PNPLA7: variants seen among roughly 807,000 people sequenced by gnomAD.
The protein encoded by PNPLA7 is patatin-like phospholipase domain-containing protein 7.
Under a neutral mutation model 161.7 loss-of-function variants are expected in PNPLA7, and 153 were observed. The observed-to-expected ratio is 0.95, with a 90% CI of 0.83 to 1.08. PNPLA7 has a LOEUF of 1.08. Among genes scored for constraint, PNPLA7 ranks in the 50% least tolerant of loss-of-function variants. PNPLA7 has a pLI of 0.00. For synonymous variants in PNPLA7, 809 were observed against 782.1 expected (o/e 1.03, Z -0.57); for missense variants, 1,739 against 1,856.6 (o/e 0.94, Z 1.16).
At chr9:137,515,330 C>T in intron 12 of PNPLA7, 49 bp downstream of exon 12, 1 of 1,576,168 alleles carries the variant, frequency 6.3e-7, no homozygotes, top group South Asian at 1.2e-5. Context: ...GTCTCAGATG[C>T]CGAGGGCCTG....
rs1217745490 is a variant in PNPLA7 at position 137,540,214 on chromosome 9, A to G, written c.747+428T>C. 6.6e-6 allele frequency among the ~76,000 whole-genome samples: 1 copy of G among 152,182 alleles called. No homozygotes were observed. The highest frequency in any genetic ancestry group is 1.5e-5 in the Non-Finnish European group (1 of 68,028). Reference sequence around the variant, plus strand: ...GGAAACCATTCACTGCAACGACGAAAAGCAAAAGACTGGGAGCCACAGAAA... The same window carrying G: ...GGAAACCATTCACTGCAACGACGAAGAGCAAAAGACTGGGAGCCACAGAAA... On this transcript the variant is annotated intron_variant, in intron 8 of 34. Transcript: ENST00000406427. The surrounding 1 kb of genome is among the most constrained non-coding windows in gnomAD (Gnocchi z 5.1).
At chr9:137,509,703 C>T (rs1834115305) in intron 12 of PNPLA7, 1 of 453,478 alleles carries the variant, frequency 2.2e-6, no homozygotes, top group African/African-American at 2.0e-5. Flanking sequence ...GCCCATGATG[C>T]ACAGCACAGG....
At position 137,519,925 on chromosome 9, in the gene PNPLA7, C is replaced by A. The variant is rs772890464; in HGVS notation, c.1076G>T (p.Cys359Phe). The part of the protein sequence containing the change: ...LKKPPRLQES[C>F]DSDHGGGRPA... ...TTGGTGCAGGACAGTACCTGAGTCACAGGACTCCTGGAGCCGCGGTGGCTT... is the reference window on the plus strand; with the variant it reads ...TTGGTGCAGGACAGTACCTGAGTCAAAGGACTCCTGGAGCCGCGGTGGCTT... The change falls in exon 11 of 35, where the codon TGT becomes TTT. Residue 359 changes from cysteine to phenylalanine, a missense_variant. This residue lies in a region of PNPLA7 where 481 missense variants were observed against 450.0 expected (regional missense o/e 1.07). Coordinates refer to ENST00000406427, the MANE Select transcript of PNPLA7 (RefSeq NM_001098537.3). The A allele has an allele frequency of 6.2e-7, 1 of 1,612,214 alleles. No individual in the cohort carries two copies. The highest frequency in any genetic ancestry group is 1.3e-5 in the African/African-American group (1 of 75,020).
intron 25 of PNPLA7, among the ~76,000 whole-genome samples, chr9:137,475,319 T>C (rs899538199): frequency 3.3e-5 from 5 of 152,142 alleles, no homozygotes; most frequent in African/African-American, 1.2e-4. Flanking sequence ...GAGGCTATAG[T>C]GAGCTTATGA....
At chr9:137,522,956 G>A in intron 8 of PNPLA7, 99 bp from the exon 9 acceptor site, 1 of 1,512,534 alleles carries the variant, frequency 6.6e-7, no homozygotes, top group Non-Finnish European at 9.0e-7. Context: ...CCCGCCTGCT[G>A]CCCAGTCACA....
chr9:137,545,791 G>A (rs191952224), intron 4 of PNPLA7, among the ~76,000 whole-genome samples: 245 of 152,318 alleles, frequency 1.6e-3, no homozygotes, highest in East Asian at 7.5e-3. Context: ...TGTTATGCCC[G>A]GACAGGGCCA....
intron 4 of PNPLA7, among the ~76,000 whole-genome samples, chr9:137,546,022 C>T (rs1016239388): frequency 4.6e-5 from 7 of 152,112 alleles, no homozygotes; most frequent in Non-Finnish European, 8.8e-5. Flanking sequence ...CGCAGTTATC[C>T]GGAGGCCTAA....
intron 29 of PNPLA7, 87 bp from the exon 30 acceptor site, chr9:137,462,920 G>T: frequency 6.5e-7 from 1 of 1,529,186 alleles, no homozygotes; most frequent in Non-Finnish European, 8.9e-7. Context: ...GAGCCCTGAC[G>T]TGGGGGTTGT....
At position 137,541,808 on chromosome 9, in the gene PNPLA7, G is replaced by T. The variant is rs1168100845; in HGVS notation, c.666+834C>A. On this transcript the variant is annotated intron_variant, in intron 7 of 34. Transcript: ENST00000406427. The surrounding 1 kb of genome is among the most constrained non-coding windows in gnomAD (Gnocchi z 4.4). ...CGAATTTTTTTTTTTTTGAGACAGG[G>T]TCTCGCTCTGTCGCCCAGGCTGGAG... is the stretch of plus-strand genomic sequence containing the variant. Among the ~76,000 whole-genome samples, 1 of 151,822 alleles carries T rather than the reference G, an allele frequency of 6.6e-6. No individual in the cohort carries two copies. Among genetic ancestry groups the T allele is most frequent in the Non-Finnish European group, 1.5e-5 (1 of 67,962 alleles).
At chr9:137,482,422 A>C (rs893846122) in intron 21 of PNPLA7, among the ~76,000 whole-genome samples, 1 of 152,276 alleles carries the variant, frequency 6.6e-6, no homozygotes, top group Non-Finnish European at 1.5e-5. Flanking sequence ...GCTCCAGGCC[A>C]GGAAAAGGCC....
chr9:137,501,654 T>A lies in PNPLA7; in HGVS notation c.1547A>T (p.Asp516Val), dbSNP rs1833428002. 6.2e-7 allele frequency: 1 copy of A among 1,611,454 alleles called. No homozygotes were observed. Residue 516 changes from aspartate to valine, a missense_variant, in exon 15 of 35, where the codon GAC becomes GTC. Transcript: ENST00000406427. ...PAGTVVSRQG[D>V]QDASILFVVS... ...CCCCCCCAGACCCCCGCTCACCTGG[T>A]CTCCCTGCCTTGACACCACCGTGCC...
chr9:137,486,507 C>T lies in PNPLA7; in HGVS notation c.2198-1771G>A, dbSNP rs540194767. On this transcript the variant is annotated intron_variant, in intron 20 of 34. Coordinates refer to ENST00000406427, the MANE Select transcript of PNPLA7 (RefSeq NM_001098537.3). The surrounding 1 kb of genome is among the most constrained non-coding windows in gnomAD (Gnocchi z 6.0). ...CAAGGCCTCCCAAAAGAAAAACACC[C>T]GTACCTGTATGCAGGCAGAAACAGA... Among the ~76,000 whole-genome samples, 16 of 152,272 alleles carry T rather than the reference C, an allele frequency of 1.1e-4. No homozygotes were observed. Among genetic ancestry groups the T allele is most frequent in the Admixed American group, 9.8e-4 (15 of 15,292 alleles).
Position 137,540,797 on chromosome 9 carries a change from G to T in PNPLA7, c.667-75C>A, listed in dbSNP as rs746729315. ...CGGGGCCTGGCGGAGGCTCAGCCCA[G>T]CCCAGGGCAGTGGGGCCACGGGCCT... On this transcript the variant is annotated intron_variant, in intron 7 of 34. Transcript: ENST00000406427. This position sits in a 1 kb window ranked among gnomAD's most constrained non-coding sequence, Gnocchi z 5.1. 4 of 1,399,308 alleles carry T rather than the reference G, an allele frequency of 2.9e-6. No homozygotes were observed. The highest frequency in any genetic ancestry group is 3.9e-5 in the Admixed American group (2 of 51,788). The allele number at this position is 1,399,308 out of a possible 1,614,324, so 86.7% of individuals were successfully genotyped here. A position where few individuals can be genotyped will look rare whatever the true frequency, so the allele number is the denominator to read the frequency against.
At chr9:137,522,586 C>T in intron 9 of PNPLA7, 143 bp downstream of exon 9, 1 of 911,346 alleles carries the variant, frequency 1.1e-6, no homozygotes, top group Non-Finnish European at 1.7e-6. Context: ...TTTCTCTATT[C>T]CTCTGAAATC....
chr9:137,493,009 C>T lies in PNPLA7; in HGVS notation c.2197+4G>A, dbSNP rs1403917923. Reference sequence around the variant, plus strand: ...GAGGCTCTGGGTTGGGAGAGGTGACCCACCTGTCACAGGTCCCTGCTGGAG... The same window carrying T: ...GAGGCTCTGGGTTGGGAGAGGTGACTCACCTGTCACAGGTCCCTGCTGGAG... On this transcript the variant is annotated splice_donor_region_variant and intron_variant, in intron 20 of 34. Transcript: ENST00000406427. The T allele has an allele frequency of 7.4e-6, 12 of 1,613,176 alleles. No homozygotes were observed. Among genetic ancestry groups the T allele is most frequent in the Non-Finnish European group, 1.0e-5 (12 of 1,179,884 alleles).
chr9:137,463,712 T>G (rs1201995970), intron 28 of PNPLA7, among the ~76,000 whole-genome samples, 181 bp from the exon 29 acceptor site: 1 of 152,110 alleles, frequency 6.6e-6, no homozygotes, highest in Non-Finnish European at 1.5e-5. Context: ...GGGGTCGCAC[T>G]GCATTACATG....
Position 137,480,396 on chromosome 9 carries a change from G to C in PNPLA7, c.2496C>G (p.Leu832=). The change falls in exon 23 of 35, where the codon CTC becomes CTG. Residue 832 remains leucine (L), a synonymous_variant. Coordinates refer to ENST00000406427, the MANE Select transcript of PNPLA7 (RefSeq NM_001098537.3). ...RIVLYQADGT[L]TPWTQRCVRQ... ...GCACGCAGCGCTGGGTCCAGGGTGT[G>C]AGCGTGCCATCTGCCTGGTAGAGCA... 1 of 1,613,614 alleles carries C rather than the reference G, an allele frequency of 6.2e-7. No homozygotes were observed. The highest frequency in any genetic ancestry group is 8.5e-7 in the Non-Finnish European group (1 of 1,179,948).
Position 137,541,170 on chromosome 9 carries a change from C to T in PNPLA7, c.667-448G>A, listed in dbSNP as rs1244846844. Among the ~76,000 whole-genome samples, 1 of 152,206 alleles carries T rather than the reference C, an allele frequency of 6.6e-6. No individual in the cohort carries two copies. The highest frequency in any genetic ancestry group is 1.5e-5 in the Non-Finnish European group (1 of 68,046). On this transcript the variant is annotated intron_variant, in intron 7 of 34. Coordinates refer to ENST00000406427, the MANE Select transcript of PNPLA7 (RefSeq NM_001098537.3). This position sits in a 1 kb window ranked among gnomAD's most constrained non-coding sequence, Gnocchi z 4.4. ...GTAAGCACTTCATCTCAGCTTGACCCAGGAAAATTCTTTATGAAGTTGCCC... is the reference window on the plus strand; with the variant it reads ...GTAAGCACTTCATCTCAGCTTGACCTAGGAAAATTCTTTATGAAGTTGCCC...
chr9:137,495,024 C>A lies in PNPLA7; in HGVS notation c.2127+9G>T. On this transcript the variant is annotated intron_variant, in intron 19 of 34. Transcript: ENST00000406427. ...ATCCGCTCCGCATCCTCACCCACGC[C>A]ATGCTCACCTGTGGGTACCTGCGCT... is the stretch of plus-strand genomic sequence containing the variant. The A allele has an allele frequency of 6.2e-7, 1 of 1,603,006 alleles. No homozygotes were observed. Among genetic ancestry groups the A allele is most frequent in the African/African-American group, 1.3e-5 (1 of 74,932 alleles).
Sources: gnomAD v4.1 joint callset for allele counts (sites outside exome capture counted in the v4.1 genomes callset) on GRCh38, gnomAD v4.1.1 for gene constraint, gnomAD v4.1.1 regional missense constraint, Gnocchi (gnomAD v3.1) non-coding constraint, MANE v1.5 for transcripts, NCBI Gene and HGNC (gene_info 2026-07-23, HGNC 2026-07-21) for gene names.